CD302: variants seen among roughly 807,000 people sequenced by gnomAD.
CD302 encodes CD302 molecule.
CD302 carries 23 observed loss-of-function variants against 26.5 expected under a neutral mutation model. The observed-to-expected ratio is 0.87, with a 90% CI of 0.62 to 1.23. CD302 has a LOEUF of 1.23. CD302 is among the 50% of genes most tolerant of loss of function. The probability of loss-of-function intolerance (pLI) is 0.00; values close to 1 mark genes in which losing one functional copy is unlikely to be tolerated. For synonymous variants in CD302, 90 were observed against 99.4 expected, an observed-to-expected ratio of 0.91 and a Z score of 0.56; for missense variants, 290 against 275.5, an observed-to-expected ratio of 1.05 and a Z score of -0.37.
intron 1 of CD302, among the ~76,000 whole-genome samples, chr2:159,794,936 G>A (rs1708910620): frequency 6.6e-6 from 1 of 151,722 alleles, no homozygotes; most frequent in Non-Finnish European, 1.5e-5. Flanking sequence ...CAGAAAAGGT[G>A]GCATCAGGCC....
intron 1 of CD302, among the ~76,000 whole-genome samples, chr2:159,785,089 C>T (rs993164657): frequency 5.9e-5 from 9 of 151,322 alleles, no homozygotes; most frequent in African/African-American, 1.9e-4. Context: ...ATTCTTGTGC[C>T]TCCGCCTCCT....
chr2:159,775,091 C>G lies in CD302; in HGVS notation c.496+2847G>C, dbSNP rs535646472. Reference sequence around the variant, plus strand: ...CCTCCCTTCTTGCACTGGAATTCATCCTTATCTGCCTGTTTTCCCTATAGG... The same window carrying G: ...CCTCCCTTCTTGCACTGGAATTCATGCTTATCTGCCTGTTTTCCCTATAGG... On this transcript the variant is annotated intron_variant, in intron 5 of 5. Coordinates refer to ENST00000259053, the MANE Select transcript of CD302 (RefSeq NM_014880.5). Among the ~76,000 whole-genome samples, 3 of 152,314 alleles carry G rather than the reference C, an allele frequency of 2.0e-5. No individual in the cohort carries two copies. The South Asian group carries it at 6.2e-4, about 32-fold the overall frequency.
intron 1 of CD302, among the ~76,000 whole-genome samples, chr2:159,791,401 A>G: frequency 6.6e-6 from 1 of 152,230 alleles, no homozygotes; most frequent in East Asian, 1.9e-4. Context: ...AGGGTTTTAA[A>G]AATAATATGG....
intron 5 of CD302, among the ~76,000 whole-genome samples, chr2:159,772,479 A>G (rs13019325): frequency 0.38 from 58,350 of 151,998 alleles, 13,404 homozygotes; most frequent in Middle Eastern, 0.6. Flanking sequence ...TAACTGAAAA[A>G]AACACCAAGA....
intron 5 of CD302, among the ~76,000 whole-genome samples, chr2:159,776,887 A>T (rs1708349682): frequency 6.6e-6 from 1 of 152,098 alleles, no homozygotes; most frequent in South Asian, 2.1e-4. Context: ...TGTATTATTT[A>T]GCCCGGCCCA....
intron 1 of CD302, among the ~76,000 whole-genome samples, chr2:159,785,953 T>C (rs897539657): frequency 4.6e-5 from 7 of 152,198 alleles, no homozygotes; most frequent in African/African-American, 1.7e-4. Context: ...TTATTTCCTG[T>C]GTTTCATCAG....
At chr2:159,788,850 C>A (rs1708734349) in intron 1 of CD302, among the ~76,000 whole-genome samples, 1 of 152,198 alleles carries the variant, frequency 6.6e-6, no homozygotes, top group African/African-American at 2.4e-5. Context: ...TCCATTCTCT[C>A]TCTCTTCCCT....
At chr2:159,772,804 A>G (rs1201287336) in intron 5 of CD302, among the ~76,000 whole-genome samples, 3 of 152,200 alleles carry the variant, frequency 2.0e-5, no homozygotes, top group Non-Finnish European at 4.4e-5. Context: ...TGCTTGTTAA[A>G]ATGAGACCTG....
At position 159,771,698 on chromosome 2, in the gene CD302, CTT is replaced by C. The variant is rs3836181; in HGVS notation, c.*151_*152del. The C allele has an allele frequency of 0.29, 253,695 of 886,124 alleles. 39,474 individuals are homozygous for C. The highest frequency in any genetic ancestry group is 0.46 in the Admixed American group (15,744 of 34,146). The allele number at this position is 886,124 out of a possible 1,614,324, so 54.9% of individuals were successfully genotyped here. A position where few individuals can be genotyped will look rare whatever the true frequency, so the allele number is the denominator to read the frequency against. On this transcript the variant is annotated 3_prime_UTR_variant, in exon 6 of 6. Coordinates refer to ENST00000259053, the MANE Select transcript of CD302 (RefSeq NM_014880.5). ...CCTGTTTTTTTAATGAACCTAAAGA[CTT>C]TTCACAGCAGATGAGTACATAAAAA...
At chr2:159,796,455 G>A (rs1708957191) in intron 1 of CD302, among the ~76,000 whole-genome samples, 1 of 152,094 alleles carries the variant, frequency 6.6e-6, no homozygotes, top group Non-Finnish European at 1.5e-5. Context: ...GATGAACCAC[G>A]CCTGTAATAG....
intron 5 of CD302, among the ~76,000 whole-genome samples, chr2:159,774,105 T>C (rs1272908105): frequency 6.6e-6 from 1 of 151,922 alleles, no homozygotes; most frequent in African/African-American, 2.4e-5. Flanking sequence ...CGTCCAGCCT[T>C]GAAGTTATCT....
chr2:159,778,115 CATT>C (rs1251704495), intron 4 of CD302, 151 bp from the exon 5 acceptor site: 4 of 313,248 alleles, frequency 1.3e-5, no homozygotes, highest in Non-Finnish European at 1.7e-5. Context: ...TTCTTTGCCT[CATT>C]AGTTGTCTCT....
intron 1 of CD302, among the ~76,000 whole-genome samples, chr2:159,788,124 A>T (rs1454938901): frequency 6.6e-6 from 1 of 151,990 alleles, no homozygotes; most frequent in Non-Finnish European, 1.5e-5. Context: ...AAAAAGAAAA[A>T]GAAAAAAGGT....
Position 159,771,715 on chromosome 2 carries a change from G to GTACA in CD302, c.*132_*135dup. 1.0e-6 allele frequency: 1 copy of GTACA among 996,922 alleles called. No individual in the cohort carries two copies. The highest frequency in any genetic ancestry group is 2.6e-5 in the East Asian group (1 of 37,926). The allele number at this position is 996,922 out of a possible 1,614,324, so 61.8% of individuals were successfully genotyped here. ...CCTAAAGACTTTTCACAGCAGATGA[G>GTACA]TACATAAAAATGTTACTGGAATAAG... On this transcript the variant is annotated 3_prime_UTR_variant, in exon 6 of 6. Transcript: ENST00000259053.
chr2:159,791,240 G>C (rs1274660539), intron 1 of CD302, among the ~76,000 whole-genome samples: 1 of 152,264 alleles, frequency 6.6e-6, no homozygotes, highest in East Asian at 1.9e-4. Context: ...TTATTGTACA[G>C]ATACATGGCC....
intron 4 of CD302, 28 bp from the exon 5 acceptor site, chr2:159,777,992 G>A: frequency 1.1e-6 from 1 of 885,298 alleles, no homozygotes; most frequent in Non-Finnish European, 1.6e-6. Flanking sequence ...ATAAAAATTA[G>A]AATTTAATTA....
chr2:159,773,564 G>C (rs1420715607), intron 5 of CD302, among the ~76,000 whole-genome samples: 1 of 152,234 alleles, frequency 6.6e-6, no homozygotes, highest in East Asian at 1.9e-4. Flanking sequence ...GAACTGGACA[G>C]TGTCCAAGAT....
intron 1 of CD302, among the ~76,000 whole-genome samples, chr2:159,789,767 C>T (rs1432435241): frequency 6.6e-6 from 1 of 152,184 alleles, no homozygotes; most frequent in Non-Finnish European, 1.5e-5. Context: ...CTAGAGCCAC[C>T]TCCTCTTTGG....
chr2:159,789,864 A>G (rs1708761461), intron 1 of CD302, among the ~76,000 whole-genome samples: 1 of 152,234 alleles, frequency 6.6e-6, no homozygotes, highest in Non-Finnish European at 1.5e-5. Flanking sequence ...AGATTTTACC[A>G]GCTCTCCTAA....
Sources: gnomAD v4.1 joint callset for allele counts (sites outside exome capture counted in the v4.1 genomes callset) on GRCh38, gnomAD v4.1.1 for gene constraint, MANE v1.5 for transcripts, NCBI Gene and HGNC (gene_info 2026-07-23, HGNC 2026-07-21) for gene names.